Variants in CYP4F11 observed in about 807,000 individuals in gnomAD.
CYP4F11 encodes cytochrome P450 4F11.
CYP4F11 carries 79 observed loss-of-function variants against 62.2 expected under a neutral mutation model. The observed-to-expected ratio is 1.27, with a 90% confidence interval of 1.06 to 1.53. The LOEUF is 1.53. Ranked by LOEUF, CYP4F11 falls within the 40% of genes most tolerant of loss-of-function variation. The pLI, the probability that CYP4F11 is intolerant of heterozygous loss-of-function variation, is 0.00. For synonymous variants in CYP4F11, 290 were observed against 263.7 expected, an observed-to-expected ratio of 1.10 and a Z score of -0.97; for missense variants, 777 against 680.5, an observed-to-expected ratio of 1.14 and a Z score of -1.58.
rs1220029161 is a variant in CYP4F11 at position 15,924,110 on chromosome 19, T to C, written c.648-28A>G. On this transcript the variant is annotated intron_variant, in intron 5 of 11. Transcript: ENST00000402119. ...GCATGAAGGAGGTAACAACTTAACA[T>C]ATGCAAAGTCCCAGGAGCACCTCTC... 3.1e-6 allele frequency: 5 copies of C among 1,604,114 alleles called. No individual in the cohort carries two copies. In the South Asian group the frequency reaches 3.3e-5, roughly 11 times the overall value.
intron 5 of CYP4F11, 138 bp downstream of exon 5, chr19:15,924,623 C>A: frequency 1.1e-6 from 1 of 939,104 alleles, no homozygotes; most frequent in Non-Finnish European, 1.6e-6. Flanking sequence ...TTCCCCCTCC[C>A]CATCCTTCAA....
chr19:15,913,914 G>C lies in CYP4F11; in HGVS notation c.1398-5C>G, dbSNP rs200204405. 2.5e-4 allele frequency: 410 copies of C among 1,608,462 alleles called. 1 individual carries two copies. The African/African-American group carries it at 4.8e-3, about 19-fold the overall frequency. Reference sequence around the variant, plus strand: ...AACGCCTGCCCGATGCAGTTTCTGGGGGCAAAAGTGAGGGAATCTGACTGT... The same window carrying C: ...AACGCCTGCCCGATGCAGTTTCTGGCGGCAAAAGTGAGGGAATCTGACTGT... On this transcript the variant is annotated splice_polypyrimidine_tract_variant and splice_region_variant and intron_variant, in intron 11 of 11. Transcript: ENST00000402119.
rs201345993 is a variant in CYP4F11, at chr19:15,924,112, T to G, written c.648-30A>C. The G allele has an allele frequency of 1.4e-4, 227 of 1,602,990 alleles. 1 individual carries two copies. Among genetic ancestry groups the G allele is most frequent in the South Asian group, 5.3e-4 (47 of 89,414 alleles). On this transcript the variant is annotated intron_variant, in intron 5 of 11. Transcript: ENST00000402119. Reference sequence around the variant, plus strand: ...ATGAAGGAGGTAACAACTTAACATATGCAAAGTCCCAGGAGCACCTCTCAC... The same window carrying G: ...ATGAAGGAGGTAACAACTTAACATAGGCAAAGTCCCAGGAGCACCTCTCAC...
chr19:15,931,426 C>T (rs1418847394), intron 1 of CYP4F11, among the ~76,000 whole-genome samples: 2 of 151,900 alleles, frequency 1.3e-5, no homozygotes, highest in South Asian at 2.1e-4. Context: ...CACAGGAGAC[C>T]CTCAGAGGTG....
Position 15,924,069 on chromosome 19 carries a change from A to G in CYP4F11, c.661T>C (p.Tyr221His), listed in dbSNP as rs764771304. Reference protein sequence around the residue: ...ESNCQEKPSEYIAAILELSAF... With the variant: ...ESNCQEKPSEHIAAILELSAF... Reference sequence around the variant, plus strand: ...CTGAGCTCCAAGATGGCGGCAATATATTCACTGGGCTTCCTGCATGAAGGA... The same window carrying G: ...CTGAGCTCCAAGATGGCGGCAATATGTTCACTGGGCTTCCTGCATGAAGGA... The change falls in exon 6 of 12, where the codon TAT becomes CAT. Residue 221 changes from tyrosine (Y) to histidine (H), a missense_variant. Coordinates refer to ENST00000402119, the MANE Select transcript of CYP4F11 (RefSeq NM_021187.4). 1 of 1,613,768 alleles carries G rather than the reference A, an allele frequency of 6.2e-7. No homozygotes were observed. The highest frequency in any genetic ancestry group is 8.5e-7 in the Non-Finnish European group (1 of 1,179,664).
intron 7 of CYP4F11, 65 bp from the exon 8 acceptor site, chr19:15,922,231 C>A: frequency 6.3e-7 from 1 of 1,596,650 alleles, no homozygotes; most frequent in Non-Finnish European, 8.5e-7. Context: ...GGAGAGCACC[C>A]AAACTCTGAG....
intron 1 of CYP4F11, among the ~76,000 whole-genome samples, chr19:15,931,107 T>C (rs1434643772): frequency 6.7e-6 from 1 of 149,200 alleles, no homozygotes; most frequent in East Asian, 1.9e-4. Flanking sequence ...CCAACTTTTA[T>C]TCAGGCAGGT....
Position 15,914,864 on chromosome 19 carries a change from T to C in CYP4F11, c.1147A>G (p.Met383Val), listed in dbSNP as rs768723718. ...AACCGCAGGCTCTCCTTAATGCACA[T>C]GGTCAGGAAGGGCAGCTGGGCCAGG... Reference protein sequence around the residue: ...DDLAQLPFLTMCIKESLRLHP... With the variant: ...DDLAQLPFLTVCIKESLRLHP... Residue 383 changes from methionine (M) to valine (V), a missense_variant, in exon 9 of 12, where the codon ATG becomes GTG. Coordinates refer to ENST00000402119, the MANE Select transcript of CYP4F11 (RefSeq NM_021187.4). 2.8e-5 allele frequency: 45 copies of C among 1,613,946 alleles called. No individual in the cohort carries two copies. The Admixed American group carries it at 7.2e-4, about 26-fold the overall frequency.
rs554916059 is a variant in CYP4F11 at position 15,925,319 on chromosome 19, C to A, written c.526-437G>T. ...CTCAGTTTCATAGTCTGCAACAGGG[C>A]AAAACCAACCAAAGCCTCATGGGGT... On this transcript the variant is annotated intron_variant, in intron 4 of 11. Coordinates refer to ENST00000402119, the MANE Select transcript of CYP4F11 (RefSeq NM_021187.4). 2.0e-5 allele frequency among the ~76,000 whole-genome samples: 3 copies of A among 152,236 alleles called. No individual in the cohort carries two copies. In the East Asian group the frequency reaches 5.8e-4, roughly 29 times the overall value.
At chr19:15,931,093 G>GAGGAATGAGTGAGTGAGGAGAGGAA (rs1568256948) in intron 1 of CYP4F11, among the ~76,000 whole-genome samples, 2 of 149,580 alleles carry the variant, frequency 1.3e-5, no homozygotes, top group African/African-American at 2.6e-5. Context: ...AGAGAAGGGA[G>GAGGAATGAGTGAGTGAGGAGAGGAA]TGGCCAACTT....
chr19:15,934,475 G>T lies in CYP4F11; in HGVS notation c.-67C>A. 1.3e-6 allele frequency: 2 copies of T among 1,572,842 alleles called. No homozygotes were observed. Among genetic ancestry groups the T allele is most frequent in the Non-Finnish European group, 1.7e-6 (2 of 1,163,490 alleles). Reference sequence around the variant, plus strand: ...AGGGAAGGGCCCAGGAAGCTCCAAGGACAGTGGAAAGGGGCAAGGATGGGC... The same window carrying T: ...AGGGAAGGGCCCAGGAAGCTCCAAGTACAGTGGAAAGGGGCAAGGATGGGC... On this transcript the variant is annotated 5_prime_UTR_variant, in exon 1 of 12. Transcript: ENST00000402119.
intron 8 of CYP4F11, among the ~76,000 whole-genome samples, chr19:15,920,301 C>T (rs867434962): frequency 6.6e-6 from 1 of 152,034 alleles, no homozygotes; most frequent in Non-Finnish European, 1.5e-5. Context: ...GTGGGCAGAC[C>T]TGTGTCTATT....
chr19:15,934,436 G>A lies in CYP4F11; in HGVS notation c.-28C>T. On this transcript the variant is annotated 5_prime_UTR_variant, in exon 1 of 12. Coordinates refer to ENST00000402119, the MANE Select transcript of CYP4F11 (RefSeq NM_021187.4). ...TGCAGGGCAGACGGGATGGAGGGTG[G>A]GATCCTGAGGCCCAGGGAAGGGCCC... 2 of 1,609,306 alleles carry A rather than the reference G, an allele frequency of 1.2e-6. No homozygotes were observed. The highest frequency in any genetic ancestry group is 1.7e-6 in the Non-Finnish European group (2 of 1,178,510).
chr19:15,919,080 C>A (rs899564803), intron 8 of CYP4F11, among the ~76,000 whole-genome samples: 10 of 149,174 alleles, frequency 6.7e-5, no homozygotes, highest in Admixed American at 2.7e-4. Context: ...ATACACATTT[C>A]ATTGACTCCT....
intron 2 of CYP4F11, chr19:15,928,052 T>G (rs2089683735): frequency 6.5e-6 from 1 of 152,930 alleles, no homozygotes; most frequent in Non-Finnish European, 1.5e-5. Flanking sequence ...AAGCCTATTC[T>G]TCGGCATAAT....
chr19:15,929,627 C>T (rs2089696234), intron 1 of CYP4F11, 26 bp from the exon 2 acceptor site: 3 of 1,557,922 alleles, frequency 1.9e-6, no homozygotes, highest in Middle Eastern at 1.8e-4. Context: ...AGGCCGTCAG[C>T]CCTTGTGATG....
Position 15,931,543 on chromosome 19 carries a change from G to GGAGAGGAATGAGTGAATGA in CYP4F11, c.199-1943_199-1942insTCATTCACTCATTCCTCTC, listed in dbSNP as rs1568257268. Among the ~76,000 whole-genome samples, 8 of 68,806 alleles carry GGAGAGGAATGAGTGAATGA rather than the reference G, an allele frequency of 1.2e-4. 1 individual carries two copies. Among genetic ancestry groups the GGAGAGGAATGAGTGAATGA allele is most frequent in the Admixed American group, 6.1e-4 (4 of 6,594 alleles). The allele number at this position is 68,806 out of a possible 152,430, so 45.1% of individuals were successfully genotyped here. A position where few individuals can be genotyped will look rare whatever the true frequency, so the allele number is the denominator to read the frequency against. ...GGCACATCAGAGGAATGAGTGAGCG[G>GGAGAGGAATGAGTGAATGA]GGAGAGGAATGAGTGAGCGAGGAGA... On this transcript the variant is annotated intron_variant, in intron 1 of 11. Coordinates refer to ENST00000402119, the MANE Select transcript of CYP4F11 (RefSeq NM_021187.4).
chr19:15,927,501 C>G lies in CYP4F11; in HGVS notation c.344-18G>C. ...GACAGCAGCTGACATGATTGAGGAC[C>G]ATCAGTGGCCATGGAGAGGGGTGAG... On this transcript the variant is annotated intron_variant, in intron 2 of 11. Coordinates refer to ENST00000402119, the MANE Select transcript of CYP4F11 (RefSeq NM_021187.4). 6.2e-7 allele frequency: 1 copy of G among 1,612,888 alleles called. No homozygotes were observed. The highest frequency in any genetic ancestry group is 1.1e-5 in the South Asian group (1 of 91,026).
At position 15,934,466 on chromosome 19, in the gene CYP4F11, A is replaced by T. The variant is rs561975460; in HGVS notation, c.-58T>A. The T allele has an allele frequency of 3.1e-6, 5 of 1,590,768 alleles. No individual in the cohort carries two copies. The African/African-American group carries it at 6.8e-5, about 22-fold the overall frequency. ...CTGAGGCCCAGGGAAGGGCCCAGGA[A>T]GCTCCAAGGACAGTGGAAAGGGGCA... On this transcript the variant is annotated 5_prime_UTR_variant, in exon 1 of 12. Transcript: ENST00000402119.
Sources: allele counts gnomAD v4.1 joint callset (sites outside exome capture counted in the v4.1 genomes callset), GRCh38; gene constraint gnomAD v4.1.1; transcripts MANE v1.5; gene names NCBI Gene and HGNC (gene_info 2026-07-23, HGNC 2026-07-21).